TAB2: variants seen among roughly 807,000 people sequenced by gnomAD.
TAB2 encodes the protein TGF-beta-activated kinase 1 and MAP3K7-binding protein 2.
Under a neutral mutation model 65.0 loss-of-function variants are expected in TAB2, and 3 were observed. That is an observed-to-expected ratio of 0.05 (90% CI 0.02 to 0.12). The LOEUF is 0.12. TAB2 is among the 10% of genes least tolerant of loss of function. The pLI, the probability that TAB2 is intolerant of heterozygous loss-of-function variation, is 1.00. For missense variants in TAB2, 623 were observed against 840.3 expected (o/e 0.74, Z 3.20); for synonymous variants, 298 against 285.1 (o/e 1.05, Z -0.46).
At chr6:149,365,382 T>A (rs13219868) in intron 1 of TAB2, among the ~76,000 whole-genome samples, 4 of 152,060 alleles carry the variant, frequency 2.6e-5, no homozygotes, top group Non-Finnish European at 5.9e-5. Flanking sequence ...GCTTTCACTC[T>A]TAAAGTTTAC....
At chr6:149,366,324 T>G (rs560686091) in intron 1 of TAB2, among the ~76,000 whole-genome samples, 2 of 152,182 alleles carry the variant, frequency 1.3e-5, no homozygotes, top group Admixed American at 1.3e-4. Flanking sequence ...GCCTTGCTGC[T>G]TGAATGGAAT....
intron 1 of TAB2, among the ~76,000 whole-genome samples, chr6:149,341,613 A>G (rs546461009): frequency 6.6e-6 from 1 of 152,306 alleles, no homozygotes; most frequent in Non-Finnish European, 1.5e-5. Flanking sequence ...CTGAAATCAG[A>G]TCTGAACTTA....
At chr6:149,353,726 CTTAG>C (rs1780564160) in intron 1 of TAB2, among the ~76,000 whole-genome samples, 1 of 152,136 alleles carries the variant, frequency 6.6e-6, no homozygotes, top group Non-Finnish European at 1.5e-5. Flanking sequence ...TTAGAAACAA[CTTAG>C]TTATTTGTTT....
At chr6:149,370,665 A>C (rs1297262773) in intron 2 of TAB2, among the ~76,000 whole-genome samples, 1 of 152,088 alleles carries the variant, frequency 6.6e-6, no homozygotes, top group Admixed American at 6.5e-5. Flanking sequence ...ATCACCCTCT[A>C]ATTTGTACAT....
intron 1 of TAB2, among the ~76,000 whole-genome samples, chr6:149,225,330 A>G (rs1405468808): frequency 6.6e-6 from 1 of 152,112 alleles, no homozygotes; most frequent in Non-Finnish European, 1.5e-5. Context: ...AGATAATTGG[A>G]AGGTACTTGA....
intron 2 of TAB2, among the ~76,000 whole-genome samples, chr6:149,377,070 A>ATTT (rs369685969): frequency 5.3e-4 from 48 of 89,930 alleles, no homozygotes; most frequent in African/African-American, 1.7e-3. Context: ...AATGTAACTT[A>ATTT]TTTTTTTTTT....
chr6:149,300,112 C>T (rs1057037885), intron 1 of TAB2, among the ~76,000 whole-genome samples: 7 of 151,878 alleles, frequency 4.6e-5, no homozygotes, highest in African/African-American at 1.7e-4. Flanking sequence ...TATGTATTAA[C>T]GATATAGGAA....
chr6:149,234,931 A>G (rs891086303), intron 1 of TAB2, among the ~76,000 whole-genome samples: 1 of 152,202 alleles, frequency 6.6e-6, no homozygotes, highest in Non-Finnish European at 1.5e-5. Flanking sequence ...CCAAAAACAA[A>G]GGCATACCAT....
chr6:149,340,765 A>G (rs1386793427), intron 1 of TAB2, among the ~76,000 whole-genome samples: 3 of 152,154 alleles, frequency 2.0e-5, no homozygotes, highest in Non-Finnish European at 4.4e-5. Flanking sequence ...TCTAAGTTTT[A>G]GTATATTTTG....
intron 1 of TAB2, among the ~76,000 whole-genome samples, chr6:149,311,231 A>G (rs1779160955): frequency 6.6e-6 from 1 of 152,146 alleles, no homozygotes; most frequent in South Asian, 2.1e-4. Context: ...TTCCCTAAAT[A>G]TGCTCTATCT....
At position 149,317,801 on chromosome 6, in the gene TAB2, G is replaced by GGCC. The variant is rs879559829; in HGVS notation, c.-302_-300dup. 3.1e-3 allele frequency: 507 copies of GGCC among 164,910 alleles called. 9 individuals carry two copies. The highest frequency in any genetic ancestry group is 0.027 in the Admixed American group (420 of 15,282). 10.2% of individuals were successfully genotyped at this position (164,910 alleles called of 1,614,324 possible). The stretch of plus-strand genomic sequence containing the variant: ...AGCCAGGAGCGGTGGCGGCGGCGGC[G>GGCC]GCCGGAGGGAGTTGGCGGCGGCGGG... On this transcript the variant is annotated 5_prime_UTR_variant, in exon 1 of 7. Transcript: ENST00000637181. The surrounding 1 kb of genome is among the most constrained non-coding windows in gnomAD (Gnocchi z 4.7).
chr6:149,335,561 G>A lies in TAB2; in HGVS notation c.-90+17546G>A, dbSNP rs531549194. 3.7e-4 allele frequency among the ~76,000 whole-genome samples: 56 copies of A among 151,938 alleles called. No homozygotes were observed. In the South Asian group the frequency reaches 0.011, roughly 31 times the overall value. On this transcript the variant is annotated intron_variant, in intron 1 of 6. Coordinates refer to ENST00000637181, the MANE Select transcript of TAB2 (RefSeq NM_001292034.3). The stretch of plus-strand genomic sequence containing the variant: ...ACTTTTTTTCTAACTTTTTGTAGAG[G>A]CAGGGTTTTGCTGTATTGCACAGGC...
rs1202323543 is a variant in TAB2, at chr6:149,378,592, C to T, written c.677C>T (p.Thr226Ile). 1.9e-6 allele frequency: 3 copies of T among 1,613,596 alleles called. No homozygotes were observed. In the South Asian group the frequency reaches 3.3e-5, roughly 18 times the overall value. ...RPYITTPGGT[T>I]RQTQQHSGWV... ...TACATTACAACTCCTGGTGGTACAACTCGACAGACACAACAGCATTCTGGC... is the reference window on the plus strand; with the variant it reads ...TACATTACAACTCCTGGTGGTACAATTCGACAGACACAACAGCATTCTGGC... The change falls in exon 3 of 7, where the codon ACT (threonine) becomes ATT (isoleucine). Residue 226 changes from threonine (T) to isoleucine (I), a missense_variant. Thr to Ile is a moderately conservative substitution (Grantham distance 89). Coordinates refer to ENST00000637181, the MANE Select transcript of TAB2 (RefSeq NM_001292034.3).
chr6:149,319,319 C>G lies in TAB2; in HGVS notation c.-90+1304C>G, dbSNP rs766882282. On this transcript the variant is annotated intron_variant, in intron 1 of 6. Coordinates refer to ENST00000637181, the MANE Select transcript of TAB2 (RefSeq NM_001292034.3). ...AGTATTGACACCTTTTAAAAAATAT[C>G]TTTACATTCTTTGTAACAATGAAAT... Among the ~76,000 whole-genome samples the G allele has an allele frequency of 2.0e-5, 3 of 152,172 alleles. No individual in the cohort carries two copies. In the East Asian group the frequency reaches 5.8e-4, roughly 29 times the overall value.
chr6:149,339,520 AC>A (rs774261545), intron 1 of TAB2, among the ~76,000 whole-genome samples: 8 of 152,240 alleles, frequency 5.3e-5, no homozygotes, highest in Non-Finnish European at 1.0e-4. Flanking sequence ...ATATAAGTAA[AC>A]TCTCTTAGAA....
intron 1 of TAB2, among the ~76,000 whole-genome samples, chr6:149,293,900 T>A (rs1778827145): frequency 6.6e-6 from 1 of 152,082 alleles, no homozygotes; most frequent in Non-Finnish European, 1.5e-5. Flanking sequence ...TTATAAAAAA[T>A]TTGTTTCAAT....
chr6:149,401,866 G>A (rs944114578), intron 6 of TAB2, among the ~76,000 whole-genome samples: 2 of 151,706 alleles, frequency 1.3e-5, no homozygotes, highest in African/African-American at 4.8e-5. Context: ...TAATCATTGA[G>A]TCAAGAAGGA....
At position 149,335,473 on chromosome 6, in the gene TAB2, A is replaced by ACCTCCCACCTTAG. The variant is rs539864965; in HGVS notation, c.-90+17466_-90+17478dup. Among the ~76,000 whole-genome samples, 70 of 151,864 alleles carry ACCTCCCACCTTAG rather than the reference A, an allele frequency of 4.6e-4. No homozygotes were observed. The East Asian group carries it at 9.7e-3, about 21-fold the overall frequency. On this transcript the variant is annotated intron_variant, in intron 1 of 6. Coordinates refer to ENST00000637181, the MANE Select transcript of TAB2 (RefSeq NM_001292034.3). ...CCTTAACTTCCTGGGCTCAGCCTTA[A>ACCTCCCACCTTAG]CCTCCCACCTTAGCCTCCCAAGTAC...
chr6:149,243,682 C>A (rs1777645234), intron 1 of TAB2: 1 of 152,186 alleles, frequency 6.6e-6, no homozygotes, highest in African/African-American at 2.4e-5. Flanking sequence ...TTGAAATGAT[C>A]CTCTTCTTAA....
Sources: allele counts gnomAD v4.1 joint callset (sites outside exome capture counted in the v4.1 genomes callset), GRCh38; gene constraint gnomAD v4.1.1; non-coding constraint Gnocchi (gnomAD v3.1); transcripts MANE v1.5; gene names NCBI Gene and HGNC (gene_info 2026-07-23, HGNC 2026-07-21).